PDLIM2: variants seen among roughly 807,000 people sequenced by gnomAD.
PDLIM2 encodes PDZ and LIM domain 2.
PDLIM2 carries 51 observed loss-of-function variants against 54.1 expected under a neutral mutation model. The ratio of observed to expected loss-of-function variants is 0.94; its 90% confidence interval spans 0.75 to 1.19. The LOEUF (loss-of-function observed/expected upper bound fraction) is 1.19. Ranked by LOEUF, PDLIM2 falls within the 50% of genes most tolerant of loss-of-function variation. The pLI, the probability that PDLIM2 is intolerant of heterozygous loss-of-function variation, is 0.00. For missense variants in PDLIM2, 912 were observed against 874.0 expected (o/e 1.04, Z -0.55); for synonymous variants, 398 against 385.6 (o/e 1.03, Z -0.38).
At chr8:22,589,506 C>A (rs1563871882) in intron 7 of PDLIM2, 90 bp from the exon 7 acceptor site, 1 of 1,509,062 alleles carries the variant, frequency 6.6e-7, no homozygotes, top group Non-Finnish European at 9.0e-7. Context: ...ATTCCTCCCC[C>A]TCCCCCACGC....
At chr8:22,589,740 A>G (rs1356260956) in exon 8 of PDLIM2, 4 of 1,563,746 alleles carry the variant, frequency 2.6e-6, no homozygotes, top group Non-Finnish European at 3.5e-6. Context: ...CTGAGGAGAG[A>G]GGTGAGGGTC....
At chr8:22,579,180 C>T (rs1800116649) in exon 1 of PDLIM2, 2 of 1,368,022 alleles carry the variant, frequency 1.5e-6, no homozygotes, top group Admixed American at 3.2e-5. Context: ...GCCTTCCCTC[C>T]CTCCCGGGCC....
intron 3 of PDLIM2, 146 bp from the exon 3 acceptor site, chr8:22,584,675 A>G: frequency 2.9e-6 from 2 of 682,302 alleles, no homozygotes; most frequent in Non-Finnish European, 5.0e-6. Context: ...TGAGTTTGAC[A>G]AAGTTAAAAG....
In PDLIM2 at chr8:22,593,577, CAAAAAAAAAA is replaced by C. The variant is rs59345957; in HGVS notation, c.1632-139_1632-130del. The C allele has an allele frequency of 1.3e-3, 512 of 389,642 alleles. 1 individual carries two copies. Among genetic ancestry groups the C allele is most frequent in the South Asian group, 2.5e-3 (81 of 32,788 alleles). 24.1% of individuals were successfully genotyped at this position (389,642 alleles called of 1,614,324 possible). On this transcript the variant is annotated intron_variant, in intron 9 of 9. Transcript: ENST00000308354. ...GGGCAACAAGAGCAAAACTCCATCT[CAAAAAAAAAA>C]AAAAAAAAAAAAAAAAGTCTAGTCT...
exon 10 of PDLIM2, chr8:22,594,168 T>C: frequency 7.1e-7 from 1 of 1,412,878 alleles, no homozygotes; most frequent in Non-Finnish European, 9.2e-7. Context: ...GATCAACCTT[T>C]GTGTGCGAGG....
exon 1 of PDLIM2, chr8:22,579,149 C>T (rs1365337114): frequency 4.5e-6 from 6 of 1,321,030 alleles, no homozygotes; most frequent in South Asian, 2.2e-5. Flanking sequence ...TAGACGGCAG[C>T]GGGAGCGGTG....
At chr8:22,581,624 T>G (rs1800209383) in intron 3 of PDLIM2, 94 bp downstream of exon 2, 1 of 1,449,378 alleles carries the variant, frequency 6.9e-7, no homozygotes, top group African/African-American at 1.4e-5. Context: ...GGGCTAGAGC[T>G]CAGCCCTAAA....
At chr8:22,588,518 C>G (rs951580024) in intron 6 of PDLIM2, 1 of 152,196 alleles carries the variant, frequency 6.6e-6, no homozygotes, top group Non-Finnish European at 1.5e-5. Flanking sequence ...GGGGTGGCAA[C>G]GGAAAGGGAG....
chr8:22,582,920 C>A (rs1483837166), intron 3 of PDLIM2, among the ~76,000 whole-genome samples: 3 of 122,388 alleles, frequency 2.5e-5, no homozygotes, highest in Admixed American at 8.1e-5. Flanking sequence ...CCCCCCCCCC[C>A]GCCCCCATCT....
At chr8:22,586,656 AGG>A (rs1800390979) in intron 6 of PDLIM2, among the ~76,000 whole-genome samples, 7 of 152,128 alleles carry the variant, frequency 4.6e-5, no homozygotes, top group Admixed American at 3.9e-4. Flanking sequence ...TTGTTTCAAG[AGG>A]GCTGGTCAGT....
intron 3 of PDLIM2, 69 bp from the exon 3 acceptor site, chr8:22,584,752 T>G (rs1800320757): frequency 3.4e-6 from 5 of 1,470,858 alleles, no homozygotes; most frequent in South Asian, 2.3e-5. Context: ...TGGGAACAGT[T>G]TTGGCCTCTT....
Position 22,589,162 on chromosome 8 carries a change from G to A in PDLIM2, c.1291-136G>A. The A allele has an allele frequency of 3.8e-6, 3 of 796,660 alleles. No homozygotes were observed. The South Asian group carries it at 4.8e-5, about 13-fold the overall frequency. 49.3% of individuals were successfully genotyped at this position (796,660 alleles called of 1,614,324 possible). ...CCCCGACACCTTGGCTCCAAGGGAA[G>A]GGGCAGGGGTCCGCTGGTCGGCGAG... On this transcript the variant is annotated intron_variant, in intron 6 of 9. Transcript: ENST00000308354.
At chr8:22,591,192 A>G (rs556482502) in intron 8 of PDLIM2, 2 of 293,232 alleles carry the variant, frequency 6.8e-6, no homozygotes, top group African/African-American at 4.5e-5. Context: ...ATGGAAAAGC[A>G]CTTTGAAAGC....
At chr8:22,579,181 C>T (rs753957483) in exon 1 of PDLIM2, 1 of 1,376,850 alleles carries the variant, frequency 7.3e-7, no homozygotes, top group South Asian at 1.7e-5. Flanking sequence ...CCTTCCCTCC[C>T]TCCCGGGCCT....
chr8:22,582,651 G>A (rs955616175), intron 3 of PDLIM2, among the ~76,000 whole-genome samples: 1 of 147,750 alleles, frequency 6.8e-6, no homozygotes, highest in Non-Finnish European at 1.5e-5. Context: ...GCGTGATCTC[G>A]GCTCACTGCC....
intron 8 of PDLIM2, chr8:22,591,167 C>T (rs1800536059): frequency 3.7e-6 from 1 of 270,750 alleles, no homozygotes; most frequent in Non-Finnish European, 7.2e-6. Flanking sequence ...CTTGAGAGCT[C>T]AGATGTGACA....
intron 3 of PDLIM2, among the ~76,000 whole-genome samples, chr8:22,582,913 C>G (rs78878778): frequency 3.1e-5 from 3 of 97,642 alleles, no homozygotes; most frequent in Admixed American, 1.1e-4. Flanking sequence ...ATGCCCACCC[C>G]CCCCCCCGCC....
Position 22,593,926 on chromosome 8 carries a change from A to G in PDLIM2, c.*16A>G, listed in dbSNP as rs968535486. 2.6e-6 allele frequency: 4 copies of G among 1,546,426 alleles called. No homozygotes were observed. The African/African-American group carries it at 5.5e-5, about 21-fold the overall frequency. ...TCGGGCCTGAGCCCGCCATGCCCTCAGCCTGCCTCACTGCTGGGCCAGGGT... is the reference window on the plus strand; with the variant it reads ...TCGGGCCTGAGCCCGCCATGCCCTCGGCCTGCCTCACTGCTGGGCCAGGGT... On this transcript the variant is annotated 3_prime_UTR_variant, in exon 10 of 10. Transcript: ENST00000308354.
chr8:22,589,255 A>G (rs983531974), intron 6 of PDLIM2, 43 bp from the exon 6 acceptor site: 25 of 1,530,942 alleles, frequency 1.6e-5, no homozygotes, highest in Non-Finnish European at 2.0e-5. Context: ...TGTTGGCCCA[A>G]GGCTCTGGCC....
Sources: allele counts gnomAD v4.1 joint callset (sites outside exome capture counted in the v4.1 genomes callset), GRCh38; gene constraint gnomAD v4.1.1; transcripts MANE v1.5; gene names NCBI Gene and HGNC (gene_info 2026-07-23, HGNC 2026-07-21).